The following SLCO5A1 variants were observed in gnomAD, a reference collection of about 807,000 sequenced individuals.
The protein encoded by SLCO5A1 is solute carrier organic anion transporter family member 5A1, also known as organic anion transporter polypeptide-related protein 4.
In SLCO5A1, 39 loss-of-function variants were observed where a neutral mutation model predicts 65.1. The ratio of observed to expected loss-of-function variants is 0.60; its 90% CI spans 0.46 to 0.78. SLCO5A1 has a LOEUF of 0.78. Among genes scored for constraint, SLCO5A1 ranks in the 30% least tolerant of loss-of-function variants. SLCO5A1 has a pLI of 0.00. For missense variants in SLCO5A1, 1,029 were observed against 1,069.4 expected (o/e 0.96, Z 0.53); for synonymous variants, 438 against 415.7 (o/e 1.05, Z -0.65).
At chr8:69,712,093 A>G (rs1033755511) in intron 5 of SLCO5A1, among the ~76,000 whole-genome samples, 1 of 152,248 alleles carries the variant, frequency 6.6e-6, no homozygotes, top group Non-Finnish European at 1.5e-5. Flanking sequence ...ACTCTTAGAT[A>G]TTTAGCAGCA....
In SLCO5A1 at chr8:69,825,524, A is replaced by T. The variant is rs192805343; in HGVS notation, c.907+6243T>A. Reference sequence around the variant, plus strand: ...AGCCAAATCATGAGTGAACTCCCATACACAATTGCTTCAAAGAGAATAAAA... The same window carrying T: ...AGCCAAATCATGAGTGAACTCCCATTCACAATTGCTTCAAAGAGAATAAAA... On this transcript the variant is annotated intron_variant, in intron 2 of 9. Coordinates refer to ENST00000260126, the MANE Select transcript of SLCO5A1 (RefSeq NM_030958.3). 4.0e-3 allele frequency among the ~76,000 whole-genome samples: 614 copies of T among 152,190 alleles called. 5 individuals are homozygous for T. The highest frequency in any genetic ancestry group is 0.022 in the South Asian group (104 of 4,810).
chr8:69,832,017 C>A lies in SLCO5A1; in HGVS notation c.657G>T (p.Ser219=), dbSNP rs778305072. The A allele has an allele frequency of 3.7e-6, 6 of 1,602,258 alleles. No homozygotes were observed. Among genetic ancestry groups the A allele is most frequent in the Non-Finnish European group, 4.3e-6 (5 of 1,174,532 alleles). The change falls in exon 2 of 10, where the codon TCG becomes TCT. Residue 219 remains serine (S), a synonymous_variant. Transcript: ENST00000260126. This position sits in a 1 kb window ranked among gnomAD's most constrained non-coding sequence, Gnocchi z 4.5. The stretch of plus-strand genomic sequence containing the variant: ...TCAACTCTTGGATCTGGTAGGGGGG[C>A]GAGATGAAGTGAGGTAAGGCGAAGA... The part of the protein sequence containing the change: ...AALFALPHFI[S]PPYQIQELNA...
intron 6 of SLCO5A1, among the ~76,000 whole-genome samples, chr8:69,683,065 GA>G (rs1007291895): frequency 6.6e-6 from 1 of 152,124 alleles, no homozygotes. Context: ...GATACCATAT[GA>G]AAGGCTTGAA....
intron 6 of SLCO5A1, 95 bp from the exon 7 acceptor site, chr8:69,682,438 A>G: frequency 8.0e-7 from 1 of 1,248,726 alleles, no homozygotes; most frequent in Non-Finnish European, 1.1e-6. Flanking sequence ...TTTTAGAGAA[A>G]ATATTCTTCC....
chr8:69,711,308 G>A (rs1815241598), intron 5 of SLCO5A1, among the ~76,000 whole-genome samples: 1 of 151,926 alleles, frequency 6.6e-6, no homozygotes, highest in Admixed American at 6.6e-5. Context: ...GCTCCGTTGC[G>A]CCTCTCACCA....
At chr8:69,809,886 A>T (rs1820147899) in intron 2 of SLCO5A1, among the ~76,000 whole-genome samples, 1 of 152,118 alleles carries the variant, frequency 6.6e-6, no homozygotes, top group Non-Finnish European at 1.5e-5. Flanking sequence ...AGCTGACAAG[A>T]CAAGACGAGA....
chr8:69,777,875 G>A (rs1428947165), intron 2 of SLCO5A1, among the ~76,000 whole-genome samples: 1 of 152,188 alleles, frequency 6.6e-6, no homozygotes, highest in Admixed American at 6.5e-5. Context: ...CTCCACAACT[G>A]TCAACTGTGC....
At chr8:69,826,211 T>C (rs986983536) in intron 2 of SLCO5A1, among the ~76,000 whole-genome samples, 11 of 151,892 alleles carry the variant, frequency 7.2e-5, no homozygotes, top group African/African-American at 2.7e-4. Context: ...ATTCAGGACA[T>C]AGGCATGGGC....
At position 69,673,038 on chromosome 8, in the gene SLCO5A1, C is replaced by G. The variant is rs937581729; in HGVS notation, c.2378G>C (p.Arg793Thr). Residue 793 changes from arginine to threonine, a missense_variant, in exon 10 of 10, where the codon AGA (arginine) becomes ACA (threonine). By Grantham distance (71) the Arg-to-Thr change is moderately conservative (BLOSUM62 -1). Transcript: ENST00000260126. ...RVGHPDNART[R>T]SCPAFSTQGE... Reference sequence around the variant, plus strand: ...CTGGGTGCTGAAAGCTGGGCAAGATCTAGTCCGGGCATTGTCGGGGTGTCC... The same window carrying G: ...CTGGGTGCTGAAAGCTGGGCAAGATGTAGTCCGGGCATTGTCGGGGTGTCC... 2 of 1,614,234 alleles carry G rather than the reference C, an allele frequency of 1.2e-6. No individual in the cohort carries two copies. The highest frequency in any genetic ancestry group is 3.3e-5 in the Admixed American group (2 of 60,032).
chr8:69,755,782 A>G, intron 3 of SLCO5A1, 141 bp from the exon 4 acceptor site: 1 of 663,692 alleles, frequency 1.5e-6, no homozygotes, highest in Non-Finnish European at 2.5e-6. Context: ...AAGTTGAGCA[A>G]ACTAAGAAAA....
rs1386053304 is a variant in SLCO5A1 at position 69,762,190 on chromosome 8, CT to C, written c.908-316del. Among the ~76,000 whole-genome samples the C allele has an allele frequency of 5.5e-4, 33 of 59,600 alleles. 3 individuals are homozygous for C. The highest frequency in any genetic ancestry group is 2.5e-3 in the African/African-American group (33 of 13,196). The allele number at this position is 59,600 out of a possible 152,430, so 39.1% of individuals were successfully genotyped here. A position where few individuals can be genotyped will look rare whatever the true frequency, so the allele number is the denominator to read the frequency against. ...TCTTTCTTTCTTTCTTTCTTTCTTT[CT>C]TTCTTTCTTTTTTGAGACAGAGTCT... On this transcript the variant is annotated intron_variant, in intron 2 of 9. Coordinates refer to ENST00000260126, the MANE Select transcript of SLCO5A1 (RefSeq NM_030958.3).
rs777369435 is a variant in SLCO5A1 at position 69,831,958 on chromosome 8, C to T, written c.716G>A (p.Gly239Asp). 3 of 1,594,862 alleles carry T rather than the reference C, an allele frequency of 1.9e-6. No homozygotes were observed. The highest frequency in any genetic ancestry group is 1.8e-5 in the Admixed American group (1 of 56,608). ...ASAPNDGLCQ[G>D]GNSTATLEPP... ...CTCCAAAGTGGCGGTGGAGTTGCCA[C>T]CCTGACACAGGCCGTCGTTGGGGGC... Residue 239 changes from glycine (G) to aspartate (D), a missense_variant, in exon 2 of 10, where the codon GGT (glycine) becomes GAT (aspartate). Coordinates refer to ENST00000260126, the MANE Select transcript of SLCO5A1 (RefSeq NM_030958.3).
At position 69,819,366 on chromosome 8, in the gene SLCO5A1, AG is replaced by A. The variant is rs1319021505; in HGVS notation, c.907+12400del. Among the ~76,000 whole-genome samples the A allele has an allele frequency of 2.6e-5, 4 of 151,292 alleles. No individual in the cohort carries two copies. The East Asian group carries it at 7.8e-4, about 30-fold the overall frequency. ...CTACTCCACATGGGAGACCCCAGGCAGGCACACTGCTTGGGTCCAGCATTGC... is the reference window on the plus strand; with the variant it reads ...CTACTCCACATGGGAGACCCCAGGCAGCACACTGCTTGGGTCCAGCATTGC... On this transcript the variant is annotated intron_variant, in intron 2 of 9. Transcript: ENST00000260126.
chr8:69,790,263 T>C, intron 2 of SLCO5A1, among the ~76,000 whole-genome samples: 1 of 151,704 alleles, frequency 6.6e-6, no homozygotes, highest in East Asian at 1.9e-4. Flanking sequence ...TGAAGGGATG[T>C]ATACCCCATT....
Position 69,738,044 on chromosome 8 carries a change from G to A in SLCO5A1, c.1419C>T (p.Tyr473=). 1 of 1,613,558 alleles carries A rather than the reference G, an allele frequency of 6.2e-7. No individual in the cohort carries two copies. The highest frequency in any genetic ancestry group is 1.1e-5 in the South Asian group (1 of 91,016). Residue 473 remains tyrosine (Y), a synonymous_variant, in exon 5 of 10, where the codon TAC becomes TAT. Transcript: ENST00000260126. ...GCCCTAGCGGCAGTGCCTTACCAGT[G>A]TAGATGCTGGCATTGGAGGCTGGGA... ...FGIPASNASI[Y]TGVIIVPSAG...
rs1244583602 is a variant in SLCO5A1, at chr8:69,755,519, G to T, written c.1163C>A (p.Ala388Asp). The T allele has an allele frequency of 6.2e-7, 1 of 1,614,046 alleles. No individual in the cohort carries two copies. The highest frequency in any genetic ancestry group is 2.2e-5 in the East Asian group (1 of 44,868). The change falls in exon 4 of 10, where the codon GCT (alanine) becomes GAT (aspartate). Residue 388 changes from alanine to aspartate, a missense_variant. Transcript: ENST00000260126. ...CTTCAGAACATCGTCATCACTAACA[G>T]CATCAACAGAAAATTTTTTCTTTTT... ...KKKKKKFSVD[A>D]VSDDDVLKEK...
At chr8:69,825,978 T>C (rs1820891359) in intron 2 of SLCO5A1, among the ~76,000 whole-genome samples, 2 of 152,196 alleles carry the variant, frequency 1.3e-5, no homozygotes, top group Non-Finnish European at 1.5e-5. Flanking sequence ...TAACGCTGCA[T>C]ATCTACAACT....
At chr8:69,771,290 T>C (rs556221956) in intron 2 of SLCO5A1, among the ~76,000 whole-genome samples, 2 of 152,342 alleles carry the variant, frequency 1.3e-5, no homozygotes, top group East Asian at 3.9e-4. Flanking sequence ...CACCTGATCT[T>C]ACATCATTTT....
intron 6 of SLCO5A1, among the ~76,000 whole-genome samples, chr8:69,700,783 C>A (rs1183733989): frequency 6.6e-6 from 1 of 151,682 alleles, no homozygotes; most frequent in Non-Finnish European, 1.5e-5. Flanking sequence ...ATTTCAGCCA[C>A]CTTGGCAATC....
Sources: allele counts gnomAD v4.1 joint callset (sites outside exome capture counted in the v4.1 genomes callset), GRCh38; gene constraint gnomAD v4.1.1; non-coding constraint Gnocchi (gnomAD v3.1); transcripts MANE v1.5; gene names NCBI Gene and HGNC (gene_info 2026-07-23, HGNC 2026-07-21).